The following PDE11A variants were observed in gnomAD, a reference collection of about 807,000 sequenced individuals.
PDE11A encodes dual 3',5'-cyclic-AMP and -GMP phosphodiesterase 11A.
Under a neutral mutation model 100.5 loss-of-function variants are expected in PDE11A, and 100 were observed. That is an observed-to-expected ratio of 1.00 (90% CI 0.85 to 1.18). PDE11A has a LOEUF of 1.18. Ranked by LOEUF, PDE11A falls within the 50% of genes most tolerant of loss-of-function variation. The pLI, the probability that PDE11A is intolerant of heterozygous loss-of-function variation, is 0.00. For synonymous variants in PDE11A, 381 were observed against 420.8 expected, an observed-to-expected ratio of 0.91 and a Z score of 1.16; for missense variants, 1,141 against 1,152.6, an observed-to-expected ratio of 0.99 and a Z score of 0.15.
chr2:177,669,446 A>G (rs1004477406), intron 18 of PDE11A, 47 bp downstream of exon 18: 1 of 832,268 alleles, frequency 1.2e-6, no homozygotes, highest in Non-Finnish European at 2.1e-6. Flanking sequence ...CTTTTTGAAA[A>G]TGTCATTCAA....
chr2:177,630,943 G>A (rs187645772), intron 19 of PDE11A, among the ~76,000 whole-genome samples: 133 of 152,070 alleles, frequency 8.7e-4, no homozygotes, highest in African/African-American at 3.1e-3. Context: ...ATGAGGTTTT[G>A]GGGGGTTGTT....
At chr2:177,851,459 A>C (rs922114557) in intron 5 of PDE11A, among the ~76,000 whole-genome samples, 3 of 152,106 alleles carry the variant, frequency 2.0e-5, no homozygotes, top group African/African-American at 7.2e-5. Flanking sequence ...TGGGTGCAGC[A>C]CACCAACATG....
chr2:177,982,275 G>GT (rs1467396066), intron 2 of PDE11A, among the ~76,000 whole-genome samples: 1 of 150,280 alleles, frequency 6.7e-6, no homozygotes, highest in East Asian at 1.9e-4. Context: ...AACCCTGATT[G>GT]TAACTCCACT....
In PDE11A at chr2:177,629,445, G is replaced by GGA. The variant is rs1553528533; in HGVS notation, c.2763_2764insTC (p.Pro922SerfsTer7). The GGA allele has an allele frequency of 2.5e-6, 4 of 1,613,144 alleles. No homozygotes were observed. In the East Asian group the frequency reaches 8.9e-5, roughly 36 times the overall value. On this transcript the variant is annotated frameshift_variant, in exon 20 of 20. Transcript: ENST00000286063. LOFTEE classifies it low-confidence loss of function (END_TRUNC). ...TCCTTGGCTACCATAACACTGGCAG[G>GGA]GGAGGATGAGGCAGTTGAGGCCAGC...
At chr2:177,697,944 A>G (rs1021665989) in intron 14 of PDE11A, among the ~76,000 whole-genome samples, 1 of 152,204 alleles carries the variant, frequency 6.6e-6, no homozygotes, top group African/African-American at 2.4e-5. Flanking sequence ...GGGGAACTTT[A>G]GCAAGGTCTA....
intron 2 of PDE11A, among the ~76,000 whole-genome samples, chr2:177,908,658 G>GT (rs1176037460): frequency 1.3e-5 from 2 of 152,134 alleles, no homozygotes; most frequent in Non-Finnish European, 2.9e-5. Context: ...GTCCTGTGGT[G>GT]TGCGTCCAGC....
chr2:177,911,692 T>C (rs1472783727), intron 2 of PDE11A, among the ~76,000 whole-genome samples: 1 of 152,170 alleles, frequency 6.6e-6, no homozygotes. Flanking sequence ...CAGACTAGCC[T>C]GACCAACATG....
At chr2:177,939,514 GGGAA>G (rs2085319286) in intron 2 of PDE11A, among the ~76,000 whole-genome samples, 1 of 99,854 alleles carries the variant, frequency 1.0e-5, no homozygotes, top group Non-Finnish European at 2.1e-5. Flanking sequence ...GAGGGAGGGA[GGGAA>G]GGGAGGGAGG....
At chr2:177,769,973 A>T (rs1463057912) in intron 9 of PDE11A, among the ~76,000 whole-genome samples, 1 of 151,744 alleles carries the variant, frequency 6.6e-6, no homozygotes, top group Non-Finnish European at 1.5e-5. Flanking sequence ...GAAATGCTCT[A>T]CAAGCAAATG....
At chr2:177,998,205 T>G (rs2086101141) in intron 2 of PDE11A, 1 of 844,568 alleles carries the variant, frequency 1.2e-6, no homozygotes, top group African/African-American at 1.7e-5. Flanking sequence ...AACAAATTCT[T>G]CATGAGTCAC....
chr2:177,952,054 AC>A (rs1412129075), intron 2 of PDE11A, among the ~76,000 whole-genome samples: 1 of 152,008 alleles, frequency 6.6e-6, no homozygotes, highest in Non-Finnish European at 1.5e-5. Flanking sequence ...ATCTTTCTTA[AC>A]TCACCTCCTG....
intron 1 of PDE11A, among the ~76,000 whole-genome samples, chr2:178,023,373 TCTTTCTA>T (rs1284621377): frequency 1.3e-5 from 2 of 152,198 alleles, no homozygotes; most frequent in Non-Finnish European, 1.5e-5. Flanking sequence ...ATCCATCTTC[TCTTTCTA>T]CTTTCTCAGA....
intron 19 of PDE11A, among the ~76,000 whole-genome samples, chr2:177,632,470 T>G (rs1422245643): frequency 6.6e-6 from 1 of 152,200 alleles, no homozygotes; most frequent in Non-Finnish European, 1.5e-5. Flanking sequence ...ATCTTGCATA[T>G]GTATACAACT....
At chr2:177,761,579 A>G (rs1290297360) in intron 10 of PDE11A, among the ~76,000 whole-genome samples, 1 of 152,222 alleles carries the variant, frequency 6.6e-6, no homozygotes, top group Non-Finnish European at 1.5e-5. Context: ...TTATATTGCA[A>G]GGTAGAAAGT....
intron 1 of PDE11A, among the ~76,000 whole-genome samples, chr2:178,030,586 A>C (rs928472681): frequency 6.6e-6 from 1 of 152,142 alleles, no homozygotes; most frequent in Admixed American, 6.6e-5. Context: ...TTCTAAGAAA[A>C]AAAAAAAGGC....
intron 12 of PDE11A, among the ~76,000 whole-genome samples, chr2:177,726,335 T>C (rs1166691740): frequency 2.0e-5 from 3 of 152,124 alleles, no homozygotes; most frequent in African/African-American, 7.2e-5. Context: ...CAATTCAACA[T>C]ACATTTTTTG....
At chr2:177,889,682 T>C (rs1028027777) in intron 4 of PDE11A, among the ~76,000 whole-genome samples, 2 of 151,990 alleles carry the variant, frequency 1.3e-5, no homozygotes, top group Non-Finnish European at 2.9e-5. Context: ...TTTAATCTAG[T>C]ATTCCTTTCT....
At chr2:178,021,368 T>C (rs1437951224) in intron 1 of PDE11A, among the ~76,000 whole-genome samples, 4 of 152,156 alleles carry the variant, frequency 2.6e-5, no homozygotes, top group South Asian at 2.1e-4. Flanking sequence ...AACTCAAAAC[T>C]TGATAAAATC....
intron 9 of PDE11A, among the ~76,000 whole-genome samples, chr2:177,795,766 A>C (rs1210916248): frequency 1.3e-5 from 2 of 151,472 alleles, no homozygotes; most frequent in Non-Finnish European, 2.9e-5. Context: ...TGGGCTATCC[A>C]CCACCCTCAG....
Sources: allele counts gnomAD v4.1 joint callset (sites outside exome capture counted in the v4.1 genomes callset), GRCh38; gene constraint gnomAD v4.1.1; transcripts MANE v1.5; gene names NCBI Gene and HGNC (gene_info 2026-07-23, HGNC 2026-07-21).